The following GEMIN5 variants were observed in gnomAD, a reference collection of about 807,000 sequenced individuals.
GEMIN5 encodes gem nuclear organelle associated protein 5.
In GEMIN5, 124 loss-of-function variants were observed where a neutral mutation model predicts 176.9. The ratio of observed to expected loss-of-function variants is 0.70; its 90% confidence interval spans 0.61 to 0.81. The LOEUF is 0.81. Among genes scored for constraint, GEMIN5 ranks in the 40% least tolerant of loss-of-function variants. The probability of loss-of-function intolerance (pLI) is 0.00; values close to 1 mark genes in which losing one functional copy is unlikely to be tolerated. For missense variants in GEMIN5, 1,843 were observed against 1,814.6 expected (o/e 1.02, Z -0.28); for synonymous variants, 673 against 665.2 (o/e 1.01, Z -0.18).
At chr5:154,920,183 A>G in intron 10 of GEMIN5, 80 bp from the exon 11 acceptor site, 2 of 1,061,766 alleles carry the variant, frequency 1.9e-6, no homozygotes, top group South Asian at 3.2e-5. Flanking sequence ...TGACCATACC[A>G]TACTACATAG....
At chr5:154,896,440 A>G in intron 23 of GEMIN5, 97 bp from the exon 24 acceptor site, 1 of 1,282,516 alleles carries the variant, frequency 7.8e-7, no homozygotes, top group Non-Finnish European at 1.0e-6. Context: ...TTCCCTTTGT[A>G]TCTGCAGCAA....
rs147870255 is a variant in GEMIN5 at position 154,929,601 on chromosome 5, C to G, written c.782-942G>C. Among the ~76,000 whole-genome samples the G allele has an allele frequency of 7.5e-4, 115 of 152,356 alleles. 1 individual carries two copies. Among genetic ancestry groups the G allele is most frequent in the African/African-American group, 2.6e-3 (108 of 41,586 alleles). On this transcript the variant is annotated intron_variant, in intron 5 of 27. Coordinates refer to ENST00000285873, the MANE Select transcript of GEMIN5 (RefSeq NM_015465.5). ...CTACATTTTTCCAAAGACTCTCCAG[C>G]TGATTCTGCTGCACAACCACAATTG... is the stretch of plus-strand genomic sequence containing the variant.
chr5:154,907,017 C>T (rs770827580), intron 16 of GEMIN5, among the ~76,000 whole-genome samples: 6 of 152,150 alleles, frequency 3.9e-5, no homozygotes, highest in Non-Finnish European at 7.4e-5. Context: ...AAATTTTTAC[C>T]TAACAGTTTT....
chr5:154,936,976 T>G, intron 2 of GEMIN5, 49 bp downstream of exon 2: 1 of 1,499,056 alleles, frequency 6.7e-7, no homozygotes, highest in Non-Finnish European at 9.2e-7. Context: ...AGAAGAACCC[T>G]CAGCACAGAT....
At chr5:154,894,347 C>A (rs1371800262) in intron 24 of GEMIN5, among the ~76,000 whole-genome samples, 2 of 152,182 alleles carry the variant, frequency 1.3e-5, no homozygotes, top group African/African-American at 4.8e-5. Flanking sequence ...TAGTTTTTGG[C>A]TACTGTGCAC....
chr5:154,914,979 A>T (rs2113487503), intron 13 of GEMIN5, among the ~76,000 whole-genome samples: 1 of 152,296 alleles, frequency 6.6e-6, no homozygotes, highest in South Asian at 2.1e-4. Context: ...TGTGTCTCAA[A>T]TATTTCAAAA....
chr5:154,913,213 C>T (rs570597360), intron 13 of GEMIN5, among the ~76,000 whole-genome samples, 175 bp from the exon 14 acceptor site: 2 of 151,954 alleles, frequency 1.3e-5, no homozygotes, highest in African/African-American at 4.8e-5. Context: ...AGTGCAATGG[C>T]GCAATGCAAT....
At chr5:154,898,405 C>G (rs1339272034) in intron 23 of GEMIN5, 35 bp downstream of exon 23, 1 of 1,544,038 alleles carries the variant, frequency 6.5e-7, no homozygotes, top group Non-Finnish European at 9.0e-7. Context: ...GGACACTTCC[C>G]TCTTGTATAC....
Position 154,891,436 on chromosome 5 carries a change from A to G in GEMIN5, c.4067T>C (p.Phe1356Ser). The G allele has an allele frequency of 3.7e-6, 6 of 1,614,108 alleles. No homozygotes were observed. Among genetic ancestry groups the G allele is most frequent in the South Asian group, 3.3e-5 (3 of 91,082 alleles). Residue 1356 changes from phenylalanine to serine, a missense_variant, in exon 26 of 28, where the codon TTT becomes TCT. Physicochemically the swap from Phe to Ser is radical, Grantham distance 155. Transcript: ENST00000285873. ...ATGCTTTTCTGAAAAGAGCTCCTTA[A>G]AAGTACTCAGCATTCGCTCACCTTC... ...TEEGERMLST[F>S]KELFSEKHAS... is the part of the protein sequence containing the mutation.
chr5:154,913,169 T>TG (rs1763739454), intron 13 of GEMIN5, 131 bp from the exon 14 acceptor site: 1 of 725,602 alleles, frequency 1.4e-6, no homozygotes, highest in African/African-American at 1.8e-5. Flanking sequence ...ATTTTTTTTT[T>TG]GAGATGGAGT....
rs774325280 is a variant in GEMIN5 at position 154,920,037 on chromosome 5, T to C, written c.1529A>G (p.His510Arg). Reference sequence around the variant, plus strand: ...TTCTCCACTAAGCTTCCAGGGATTATGCTGTAAGACAATCCCTTCTCCTCC... The same window carrying C: ...TTCTCCACTAAGCTTCCAGGGATTACGCTGTAAGACAATCCCTTCTCCTCC... Reference protein sequence around the residue: ...SCGGEGIVLQHNPWKLSGEAF... With the variant: ...SCGGEGIVLQRNPWKLSGEAF... Residue 510 changes from histidine (H) to arginine (R), a missense_variant, in exon 11 of 28, where the codon CAT becomes CGT. Physicochemically the swap from His to Arg is conservative, Grantham distance 29. Coordinates refer to ENST00000285873, the MANE Select transcript of GEMIN5 (RefSeq NM_015465.5). The C allele has an allele frequency of 1.1e-5, 18 of 1,613,200 alleles. No homozygotes were observed. The Admixed American group carries it at 2.7e-4, about 24-fold the overall frequency.
intron 17 of GEMIN5, among the ~76,000 whole-genome samples, chr5:154,904,924 G>T (rs1414999616): frequency 6.6e-6 from 1 of 152,252 alleles, no homozygotes. Context: ...TGGGCACAAT[G>T]GCTCACGCCT....
At position 154,904,586 on chromosome 5, in the gene GEMIN5, C is replaced by G; in HGVS notation, c.2553G>C (p.Leu851=). Residue 851 remains leucine (L), a synonymous_variant, in exon 18 of 28, where the codon CTG becomes CTC. Coordinates refer to ENST00000285873, the MANE Select transcript of GEMIN5 (RefSeq NM_015465.5). ...KKRKARSLLP[L]STSLDHRSKE... ...TGGATCTGTGGTCCAGGCTTGTACT[C>G]AGGGGAAGCAAGGAACGAGCTTTTC... 1 of 1,612,154 alleles carries G rather than the reference C, an allele frequency of 6.2e-7. No individual in the cohort carries two copies. Among genetic ancestry groups the G allele is most frequent in the South Asian group, 1.1e-5 (1 of 91,032 alleles).
At chr5:154,936,416 C>CAAAAAAAAA (rs1303685123) in intron 2 of GEMIN5, among the ~76,000 whole-genome samples, 414 of 14,642 alleles carry the variant, frequency 0.028, 2 homozygotes, top group African/African-American at 0.049. Flanking sequence ...GACTCCGTCT[C>CAAAAAAAAA]AAAAAAAAAA....
At chr5:154,919,186 C>CT (rs1763870614) in intron 11 of GEMIN5, among the ~76,000 whole-genome samples, 1 of 152,154 alleles carries the variant, frequency 6.6e-6, no homozygotes, top group African/African-American at 2.4e-5. Flanking sequence ...CAAAAATTAG[C>CT]TGGGCATGGT....
chr5:154,923,004 G>C (rs976798959), intron 9 of GEMIN5, among the ~76,000 whole-genome samples: 3 of 152,130 alleles, frequency 2.0e-5, no homozygotes, highest in Admixed American at 6.5e-5. Context: ...CCTTAAAATA[G>C]TGTTCTTTTT....
chr5:154,909,248 G>A (rs911705524), intron 15 of GEMIN5, among the ~76,000 whole-genome samples: 16 of 150,240 alleles, frequency 1.1e-4, no homozygotes, highest in Admixed American at 8.7e-4. Flanking sequence ...GATTACAGGC[G>A]TGAGCTACTG....
Position 154,920,119 on chromosome 5 carries a change from A to G in GEMIN5, c.1463-16T>C. 1 of 1,603,818 alleles carries G rather than the reference A, an allele frequency of 6.2e-7. No homozygotes were observed. ...CCTTCTCCTCCTGTATGAAATAAGA[A>G]AAGAAACTTATCAGTTTTGTACTTC... On this transcript the variant is annotated splice_polypyrimidine_tract_variant and intron_variant, in intron 10 of 27. Coordinates refer to ENST00000285873, the MANE Select transcript of GEMIN5 (RefSeq NM_015465.5).
intron 22 of GEMIN5, 92 bp from the exon 23 acceptor site, chr5:154,898,742 G>T: frequency 9.4e-7 from 1 of 1,059,854 alleles, no homozygotes; most frequent in Non-Finnish European, 1.4e-6. Context: ...TATCTACTTT[G>T]CTGCATGTGC....
Sources: allele counts gnomAD v4.1 joint callset (sites outside exome capture counted in the v4.1 genomes callset), GRCh38; gene constraint gnomAD v4.1.1; transcripts MANE v1.5; gene names NCBI Gene and HGNC (gene_info 2026-07-23, HGNC 2026-07-21).